RNLS: variants seen among roughly 807,000 people sequenced by gnomAD.
RNLS encodes renalase.
Under a neutral mutation model 39.8 loss-of-function variants are expected in RNLS, and 39 were observed. The observed-to-expected ratio is 0.98, with a 90% confidence interval of 0.76 to 1.28. The LOEUF (loss-of-function observed/expected upper bound fraction) is 1.28. Among genes scored for constraint, RNLS ranks in the 50% most tolerant of loss-of-function variants. The pLI, the probability that RNLS is intolerant of heterozygous loss-of-function variation, is 0.00. For synonymous variants in RNLS, 147 were observed against 150.7 expected (o/e 0.98, Z 0.18); for missense variants, 410 against 413.3 (o/e 0.99, Z 0.07).
intron 4 of RNLS, among the ~76,000 whole-genome samples, chr10:88,521,534 A>G (rs755265135): frequency 2.0e-5 from 3 of 152,052 alleles, no homozygotes; most frequent in African/African-American, 7.2e-5. Context: ...ATATAACAGA[A>G]TAAGAGGGCA....
chr10:88,269,537 A>C (rs539594171), downstream of RNLS, among the ~76,000 whole-genome samples: 22 of 152,246 alleles, frequency 1.4e-4, no homozygotes, highest in African/African-American at 5.3e-4. Context: ...TCCTGCTGAA[A>C]CAGGAGGCTC....
the RNLS span, among the ~76,000 whole-genome samples, chr10:88,185,864 A>G: frequency 6.6e-6 from 1 of 152,220 alleles, no homozygotes; most frequent in African/African-American, 2.4e-5. Flanking sequence ...CATCAAATGC[A>G]TTAAAAAACA....
rs554868832 is a variant in RNLS, at chr10:88,305,228, G to A, written c.876+9238C>T. On this transcript the variant is annotated intron_variant, in intron 6 of 6. Coordinates refer to ENST00000331772, the MANE Select transcript of RNLS (RefSeq NM_001031709.3). ...AGCACTAAATATGGAAAGGAAAGAC[G>A]GTTACCAGCCATTACAAAAACACAC... 3.3e-5 allele frequency among the ~76,000 whole-genome samples: 5 copies of A among 152,142 alleles called. No homozygotes were observed. The South Asian group carries it at 6.2e-4, about 19-fold the overall frequency.
intron 4 of RNLS, among the ~76,000 whole-genome samples, chr10:88,472,394 C>T (rs1240951394): frequency 1.3e-5 from 2 of 152,012 alleles, no homozygotes; most frequent in African/African-American, 4.8e-5. Context: ...GAGTTGAAGT[C>T]AAAAGAGTCT....
intron 6 of RNLS, among the ~76,000 whole-genome samples, chr10:88,305,366 A>G (rs1844843621): frequency 1.3e-5 from 2 of 152,212 alleles, no homozygotes; most frequent in Non-Finnish European, 1.5e-5. Context: ...TTGAATATAA[A>G]TGGGCTAAAT....
the RNLS span, among the ~76,000 whole-genome samples, chr10:88,190,917 C>A: frequency 6.6e-6 from 1 of 152,214 alleles, no homozygotes; most frequent in Non-Finnish European, 1.5e-5. Context: ...TGAGGTCCAA[C>A]GTGGGTCTTG....
the RNLS span, among the ~76,000 whole-genome samples, chr10:88,244,912 TG>T: frequency 6.6e-6 from 1 of 152,312 alleles, no homozygotes; most frequent in Middle Eastern, 3.4e-3. Flanking sequence ...GTAGCAAGGA[TG>T]GTGCCATCCA....
intron 4 of RNLS, among the ~76,000 whole-genome samples, chr10:88,484,031 C>A (rs1321245196): frequency 6.6e-6 from 1 of 152,004 alleles, no homozygotes; most frequent in East Asian, 1.9e-4. Flanking sequence ...TTTATTATAA[C>A]ACACGATTCT....
chr10:88,186,639 A>G, the RNLS span, among the ~76,000 whole-genome samples: 2 of 152,174 alleles, frequency 1.3e-5, no homozygotes, highest in Non-Finnish European at 2.9e-5. Flanking sequence ...TATTTAAGTG[A>G]TATATCAGTG....
At chr10:88,566,474 C>A (rs1223636633) in intron 4 of RNLS, among the ~76,000 whole-genome samples, 1 of 151,964 alleles carries the variant, frequency 6.6e-6, no homozygotes, top group East Asian at 1.9e-4. Context: ...GACAACAGAA[C>A]AGAAAAGAAC....
rs553627773 is a variant in RNLS, at chr10:88,480,606, G to A, written c.526+92297C>T. Among the ~76,000 whole-genome samples, 4 of 152,250 alleles carry A rather than the reference G, an allele frequency of 2.6e-5. No homozygotes were observed. In the South Asian group the frequency reaches 8.3e-4, roughly 32 times the overall value. On this transcript the variant is annotated intron_variant, in intron 4 of 6. Coordinates refer to ENST00000331772, the MANE Select transcript of RNLS (RefSeq NM_001031709.3). ...CCAGCTAATTTTGTATTTTTTAGTA[G>A]AGATGGAGTTTCTCCATGTTGATCA...
the RNLS span, among the ~76,000 whole-genome samples, chr10:88,240,513 T>G: frequency 1.3e-5 from 2 of 152,196 alleles, no homozygotes; most frequent in Non-Finnish European, 2.9e-5. Context: ...ATCTTCAAAC[T>G]GTATTTTCTA....
At chr10:88,186,815 T>A in the RNLS span, among the ~76,000 whole-genome samples, 1 of 152,024 alleles carries the variant, frequency 6.6e-6, no homozygotes, top group Non-Finnish European at 1.5e-5. Flanking sequence ...CACCCACTTT[T>A]TGGGGAATGG....
intron 4 of RNLS, among the ~76,000 whole-genome samples, chr10:88,405,873 T>G (rs1853231160): frequency 6.6e-6 from 1 of 152,102 alleles, no homozygotes; most frequent in African/African-American, 2.4e-5. Context: ...AGGATTTGTT[T>G]TAAGATTTAG....
downstream of RNLS, among the ~76,000 whole-genome samples, chr10:88,280,544 CAG>C (rs1370073862): frequency 6.6e-6 from 1 of 152,042 alleles, no homozygotes; most frequent in Non-Finnish European, 1.5e-5. Context: ...GAACCTAAAA[CAG>C]GGGTCAGTAA....
chr10:88,480,317 C>A (rs1844080495), intron 4 of RNLS, among the ~76,000 whole-genome samples: 1 of 152,206 alleles, frequency 6.6e-6, no homozygotes, highest in Non-Finnish European at 1.5e-5. Context: ...ATAATTACCC[C>A]TTAGGGGAAA....
chr10:88,434,590 C>G (rs1322953063), intron 4 of RNLS, among the ~76,000 whole-genome samples: 1 of 152,100 alleles, frequency 6.6e-6, no homozygotes, highest in African/African-American at 2.4e-5. Context: ...ACTGGGATAA[C>G]AGTCATGGTA....
At chr10:88,377,232 A>C (rs923259282) in intron 4 of RNLS, among the ~76,000 whole-genome samples, 4 of 47,748 alleles carry the variant, frequency 8.4e-5, no homozygotes, top group Non-Finnish European at 2.0e-4. Flanking sequence ...CTCCACATAC[A>C]CACACATATA....
the RNLS span, among the ~76,000 whole-genome samples, chr10:88,176,173 C>CT: frequency 5.3e-4 from 78 of 146,994 alleles, 1 homozygote; most frequent in African/African-American, 1.1e-3. Flanking sequence ...CTTAGCCTAT[C>CT]TTTTTTTTTT....
Sources: gnomAD v4.1 joint callset for allele counts (sites outside exome capture counted in the v4.1 genomes callset) on GRCh38, gnomAD v4.1.1 for gene constraint, MANE v1.5 for transcripts, NCBI Gene and HGNC (gene_info 2026-07-23, HGNC 2026-07-21) for gene names.